Variants in MACF1 observed in about 807,000 individuals in gnomAD.
The protein encoded by MACF1 is microtubule actin crosslinking factor 1.
In MACF1, 193 loss-of-function variants were observed where a neutral mutation model predicts 854.8. The observed-to-expected ratio is 0.23, with a 90% CI of 0.20 to 0.25. The LOEUF (loss-of-function observed/expected upper bound fraction) is 0.25. Ranked by LOEUF, MACF1 falls within the 10% of genes least tolerant of loss-of-function variation. The pLI is 1.00. For synonymous variants in MACF1, 3,185 were observed against 3,226.7 expected (o/e 0.99, Z 0.44); for missense variants, 7,722 against 8,929.1 (o/e 0.86, Z 5.45).
At chr1:39,458,116 G>C in intron 89 of MACF1, 1 of 376,752 alleles carries the variant, frequency 2.7e-6, no homozygotes, top group Non-Finnish European at 4.9e-6. Flanking sequence ...GGCCATTCAT[G>C]AGGAATTTGC....
rs376968248 is a variant in MACF1 at position 39,316,416 on chromosome 1, C to T, written c.3475C>T (p.Arg1159Cys). The T allele has an allele frequency of 4.3e-6, 7 of 1,613,130 alleles. No individual in the cohort carries two copies. In the African/African-American group the frequency reaches 5.3e-5, roughly 12 times the overall value. ...NKLKTVDVIV[R>C]SIQDAELLVK... Reference sequence around the variant, plus strand: ...GTTAAAGACAGTTGATGTTATAGTACGTAGCATACAGGATGCTGAACTCTT... The same window carrying T: ...GTTAAAGACAGTTGATGTTATAGTATGTAGCATACAGGATGCTGAACTCTT... Residue 1159 changes from arginine (R) to cysteine (C), a missense_variant, in exon 28 of 101, where the codon CGT (arginine) becomes TGT (cysteine). Physicochemically the swap from Arg to Cys is radical, Grantham distance 180 (BLOSUM62 -3). Coordinates refer to ENST00000564288, the MANE Select transcript of MACF1 (RefSeq NM_001394062.1).
chr1:39,319,452 A>T (rs1447911064), intron 30 of MACF1, among the ~76,000 whole-genome samples: 1 of 152,190 alleles, frequency 6.6e-6, no homozygotes, highest in East Asian at 1.9e-4. Flanking sequence ...TCTACAAAAG[A>T]TTAAAAAGAC....
chr1:39,088,835 A>G (rs1326070560), intron 2 of MACF1, among the ~76,000 whole-genome samples: 1 of 152,206 alleles, frequency 6.6e-6, no homozygotes, highest in East Asian at 1.9e-4. Flanking sequence ...ATTTGTTGTC[A>G]TTGCAGACGT....
intron 99 of MACF1, among the ~76,000 whole-genome samples, chr1:39,483,102 A>G (rs1645044415): frequency 6.8e-6 from 1 of 147,052 alleles, no homozygotes. Context: ...AAAAAAAAAA[A>G]AAAAAAAAAA....
At position 39,295,777 on chromosome 1, in the gene MACF1, T is replaced by C. The variant is rs780208351; in HGVS notation, c.2260-10T>C. 1 of 1,609,710 alleles carries C rather than the reference T, an allele frequency of 6.2e-7. No individual in the cohort carries two copies. The highest frequency in any genetic ancestry group is 1.7e-5 in the Admixed American group (1 of 59,456). On this transcript the variant is annotated splice_polypyrimidine_tract_variant and intron_variant, in intron 19 of 100. Coordinates refer to ENST00000564288, the MANE Select transcript of MACF1 (RefSeq NM_001394062.1). ...TCAAGCCCTTCTGTCTGTGTGCTTG[T>C]TTATTGCAGGCTTACAGTGCTGCTG... is the stretch of plus-strand genomic sequence containing the variant.
intron 64 of MACF1, 131 bp downstream of exon 64, chr1:39,429,457 C>T (rs1202189406): frequency 3.2e-6 from 2 of 617,176 alleles, no homozygotes; most frequent in South Asian, 2.2e-5. Flanking sequence ...TGATTGTATT[C>T]CCTACTGTGC....
At chr1:39,280,637 G>A (rs1263223170) in intron 6 of MACF1, among the ~76,000 whole-genome samples, 1 of 152,098 alleles carries the variant, frequency 6.6e-6, no homozygotes, top group African/African-American at 2.4e-5. Context: ...GGGTGCAGTG[G>A]CACAATTTCA....
In MACF1 at chr1:39,387,877, T is replaced by A; in HGVS notation, c.15035T>A (p.Leu5012His). 6.2e-7 allele frequency: 1 copy of A among 1,613,966 alleles called. No homozygotes were observed. The highest frequency in any genetic ancestry group is 8.5e-7 in the Non-Finnish European group (1 of 1,179,996). ...TCACTCGAAGAAATGACTCAGAGGC[T>A]CAGGGAGTTCCAGGAAAGCTTTAAG... is the stretch of plus-strand genomic sequence containing the variant. ...TGSLEEMTQR[L>H]REFQESFKNI... Residue 5012 changes from leucine (L) to histidine (H), a missense_variant, in exon 58 of 101, where the codon CTC (leucine) becomes CAC (histidine). Physicochemically the swap from Leu to His is moderately conservative, Grantham distance 99. Transcript: ENST00000564288.
chr1:39,231,611 G>C (rs371584323), intron 2 of MACF1, among the ~76,000 whole-genome samples: 1 of 152,152 alleles, frequency 6.6e-6, no homozygotes. Context: ...AGGAGGCAGA[G>C]GCTGAAGATA....
intron 2 of MACF1, among the ~76,000 whole-genome samples, chr1:39,131,443 G>A (rs775383974): frequency 1.4e-4 from 22 of 151,870 alleles, no homozygotes; most frequent in Non-Finnish European, 2.9e-4. Flanking sequence ...CAAAGTGTTG[G>A]ATTATAGGTG....
At chr1:39,436,529 T>A (rs779229464) in intron 70 of MACF1, 2 of 1,602,112 alleles carry the variant, frequency 1.2e-6, no homozygotes, top group Non-Finnish European at 8.6e-7. Flanking sequence ...GGTGTTCTTA[T>A]AATGCTGAAA....
intron 2 of MACF1, among the ~76,000 whole-genome samples, chr1:39,159,167 TAG>T (rs1244094686): frequency 6.6e-6 from 1 of 152,250 alleles, no homozygotes; most frequent in African/African-American, 2.4e-5. Context: ...ACAGAAGGGA[TAG>T]AGTTTGTAAA....
intron 2 of MACF1, among the ~76,000 whole-genome samples, chr1:39,173,054 C>G (rs1026349246): frequency 6.6e-6 from 1 of 152,070 alleles, no homozygotes; most frequent in Non-Finnish European, 1.5e-5. Flanking sequence ...GTAGAAAAAG[C>G]ACTGGAGGCC....
chr1:39,255,167 C>T (rs577348815), intron 5 of MACF1, among the ~76,000 whole-genome samples: 2 of 152,202 alleles, frequency 1.3e-5, no homozygotes, highest in Admixed American at 6.5e-5. Context: ...CAGTTTAGTG[C>T]ACCTTCCACT....
At chr1:39,454,220 A>C (rs1188477675) in intron 88 of MACF1, among the ~76,000 whole-genome samples, 1 of 152,216 alleles carries the variant, frequency 6.6e-6, no homozygotes, top group Non-Finnish European at 1.5e-5. Context: ...GGTGGGGTCC[A>C]CATTCACAGC....
chr1:39,333,241 A>T lies in MACF1; in HGVS notation c.6653A>T (p.Asp2218Val). The stretch of plus-strand genomic sequence containing the variant: ...AAGTTAGAACTAAAGTCTGAAACTG[A>T]TGGGAATGTTCATCCTCTGGACAAA... ...GIKLELKSET[D>V]GNVHPLDKKE... The change falls in exon 37 of 101, where the codon GAT (aspartate) becomes GTT (valine). Residue 2218 changes from aspartate (D) to valine (V), a missense_variant. By Grantham distance (152) the Asp-to-Val change is radical. Around this residue, in one of 15 missense-constraint regions of MACF1, gnomAD observed 1,531 missense variants for 1,601.6 expected, o/e 0.96. Coordinates refer to ENST00000564288, the MANE Select transcript of MACF1 (RefSeq NM_001394062.1). 6.2e-7 allele frequency: 1 copy of T among 1,613,584 alleles called. No individual in the cohort carries two copies.
At chr1:39,443,007 T>TC in intron 78 of MACF1, 96 bp downstream of exon 78, 1 of 1,230,764 alleles carries the variant, frequency 8.1e-7, no homozygotes, top group Non-Finnish European at 1.1e-6. Flanking sequence ...AAGCAAAGAA[T>TC]CCCTTATGTC....
rs141461887 is a variant in MACF1 at position 39,306,860 on chromosome 1, AATTATTATTATTATT to A, written c.2790-2691_2790-2677del. ...CTAACTGGCAAGATACATTTTTTGA[AATTATTATTATTATT>A]ATTATTATTATTATTATTGAGATAG... is the stretch of plus-strand genomic sequence containing the variant. On this transcript the variant is annotated intron_variant, in intron 23 of 100. Transcript: ENST00000564288. Among the ~76,000 whole-genome samples, 10 of 144,896 alleles carry A rather than the reference AATTATTATTATTATT, an allele frequency of 6.9e-5. No homozygotes were observed. The South Asian group carries it at 2.2e-3, about 32-fold the overall frequency.
chr1:39,331,051 G>A lies in MACF1; in HGVS notation c.4615-152G>A, dbSNP rs1646714774. The A allele has an allele frequency of 3.5e-6, 4 of 1,139,090 alleles. No individual in the cohort carries two copies. In the African/African-American group the frequency reaches 4.8e-5, roughly 14 times the overall value. The allele number at this position is 1,139,090 out of a possible 1,614,324, so 70.6% of individuals were successfully genotyped here. ...CCTGACCTCATGATTTGCCTGCCTTGGGCAGATTATAGGCGTGAGCCACTG... is the reference window on the plus strand; with the variant it reads ...CCTGACCTCATGATTTGCCTGCCTTAGGCAGATTATAGGCGTGAGCCACTG... On this transcript the variant is annotated intron_variant, in intron 36 of 100. Transcript: ENST00000564288.
Sources: gnomAD v4.1 joint callset for allele counts (sites outside exome capture counted in the v4.1 genomes callset) on GRCh38, gnomAD v4.1.1 for gene constraint, gnomAD v4.1.1 regional missense constraint, MANE v1.5 for transcripts, NCBI Gene and HGNC (gene_info 2026-07-23, HGNC 2026-07-21) for gene names.